Variants in SLC9A6 observed in about 807,000 individuals in gnomAD.
The protein encoded by SLC9A6 is solute carrier family 9 member A6.
A neutral mutation model predicts 45.3 loss-of-function variants in SLC9A6; 6 were observed. That is an observed-to-expected ratio of 0.13 (90% CI 0.07 to 0.26). The LOEUF is 0.26. Among genes scored for constraint, SLC9A6 ranks in the 10% least tolerant of loss-of-function variants. The probability of loss-of-function intolerance (pLI) is 1.00; values close to 1 mark genes in which losing one functional copy is unlikely to be tolerated. For missense variants in SLC9A6, 278 were observed against 503.7 expected (o/e 0.55, Z 4.29); for synonymous variants, 191 against 187.7 (o/e 1.02, Z -0.14).
intron 7 of SLC9A6, chrX:136,010,113 CAGTACT>C: frequency 3.8e-6 from 1 of 262,979 alleles, no homozygotes; most frequent in South Asian, 6.4e-5. Context: ...TTCGGACACT[CAGTACT>C]AGTAATTCTG....
intron 2 of SLC9A6, among the ~76,000 whole-genome samples, chrX:135,990,207 C>T (rs191217251): frequency 1.6e-4 from 18 of 111,295 alleles, no homozygotes; most frequent in East Asian, 8.5e-4. Flanking sequence ...AGGATGGTCT[C>T]GATCTCCTGA....
At chrX:136,003,478 T>G (rs2089611896) in intron 7 of SLC9A6, among the ~76,000 whole-genome samples, 1 of 112,400 alleles carries the variant, frequency 8.9e-6, no homozygotes, top group Admixed American at 9.4e-5. Flanking sequence ...TATAGTATTC[T>G]CTGTGTGAAC....
intron 7 of SLC9A6, among the ~76,000 whole-genome samples, chrX:136,006,469 T>G (rs1173071413): frequency 2.7e-5 from 3 of 109,428 alleles, no homozygotes; most frequent in African/African-American, 6.6e-5. Context: ...CTGTTTTTTT[T>G]TTTTTTTTTT....
At position 136,035,963 on chromosome X, in the gene SLC9A6, T is replaced by C. The variant is rs1381764413; in HGVS notation, c.1661+2470T>C. On this transcript the variant is annotated intron_variant, in intron 16 of 17. Coordinates refer to ENST00000630721, the MANE Select transcript of SLC9A6 (RefSeq NM_001379110.1). ...TCAATGTAGAGACATGGTTTCACCA[T>C]GTTTCCCAGGCTGGCCTTGAACTCT... 3.8e-5 allele frequency among the ~76,000 whole-genome samples: 4 copies of C among 106,298 alleles called. No individual in the cohort carries two copies. In the Admixed American group the frequency reaches 4.1e-4, roughly 11 times the overall value. The allele number at this position is 106,298 out of a possible 115,157, so 92.3% of individuals were successfully genotyped here.
chrX:135,990,519 T>C (rs2089413013), intron 2 of SLC9A6, among the ~76,000 whole-genome samples: 1 of 112,063 alleles, frequency 8.9e-6, no homozygotes, highest in Admixed American at 9.5e-5. Flanking sequence ...ATTTTTCAGA[T>C]GCCTGGTGCC....
At chrX:136,041,493 T>A (rs1221086204) in intron 17 of SLC9A6, among the ~76,000 whole-genome samples, 2 of 111,760 alleles carry the variant, frequency 1.8e-5, no homozygotes, top group Non-Finnish European at 3.8e-5. Context: ...ACACACCCCA[T>A]GTTGCCCCTC....
At chrX:136,003,646 TGGTA>T (rs1556617622) in intron 7 of SLC9A6, among the ~76,000 whole-genome samples, 4 of 112,164 alleles carry the variant, frequency 3.6e-5, no homozygotes, top group Non-Finnish European at 7.5e-5. Flanking sequence ...AAAGTGAGAT[TGGTA>T]GGTAGGTTAA....
At chrX:135,997,257 T>A (rs1175168944) in intron 3 of SLC9A6, among the ~76,000 whole-genome samples, 3 of 109,590 alleles carry the variant, frequency 2.7e-5, no homozygotes, top group Non-Finnish European at 5.7e-5. Context: ...GGTTTTGCCA[T>A]GTCGGTCAGG....
chrX:135,993,552 G>A (rs184110272), intron 2 of SLC9A6, among the ~76,000 whole-genome samples: 2 of 111,772 alleles, frequency 1.8e-5, no homozygotes, highest in African/African-American at 6.5e-5. Context: ...TTGGGAGGCC[G>A]AGGTGGATGG....
intron 16 of SLC9A6, among the ~76,000 whole-genome samples, chrX:136,037,922 C>T (rs1483647060): frequency 1.8e-5 from 2 of 112,390 alleles, no homozygotes; most frequent in African/African-American, 6.5e-5. Flanking sequence ...GCTAAGTTCA[C>T]TTATGATTTC....
At chrX:136,015,675 C>G (rs1556619206) in intron 10 of SLC9A6, among the ~76,000 whole-genome samples, 1 of 111,713 alleles carries the variant, frequency 9.0e-6, no homozygotes, top group Non-Finnish European at 1.9e-5. Context: ...GTAATAATAG[C>G]ATATTAAATC....
At chrX:135,973,916 T>G, upstream of SLC9A6, 1 of 1,139,925 alleles carries the variant, frequency 8.8e-7, no homozygotes, top group Non-Finnish European at 1.2e-6. Flanking sequence ...TATGGAGGCC[T>G]CTCTAGGAGG....
chrX:136,011,055 C>T (rs2070910380), intron 8 of SLC9A6, among the ~76,000 whole-genome samples: 1 of 111,748 alleles, frequency 8.9e-6, no homozygotes, highest in African/African-American at 3.3e-5. Context: ...AAACTTTGTG[C>T]TCTAGAGCCC....
At chrX:136,038,091 G>A (rs1181832611) in intron 16 of SLC9A6, among the ~76,000 whole-genome samples, 1 of 111,358 alleles carries the variant, frequency 9.0e-6, no homozygotes, top group Non-Finnish European at 1.9e-5. Flanking sequence ...TGATGATACA[G>A]GACATTCTTA....
chrX:135,994,763 G>A (rs781828450), intron 2 of SLC9A6, 23 bp from the exon 3 acceptor site: 4 of 1,200,506 alleles, frequency 3.3e-6, no homozygotes, highest in Non-Finnish European at 4.5e-6. Flanking sequence ...GGCAAGAAGA[G>A]CTTATGTTGT....
chrX:135,999,948 T>G (rs1437102157), intron 6 of SLC9A6, among the ~76,000 whole-genome samples: 2 of 110,645 alleles, frequency 1.8e-5, no homozygotes, highest in Non-Finnish European at 3.8e-5. Context: ...TGTTCAATAC[T>G]CTATGAGAGA....
At chrX:136,002,048 G>T in intron 6 of SLC9A6, 60 bp from the exon 7 acceptor site, 1 of 746,211 alleles carries the variant, frequency 1.3e-6, no homozygotes, top group Non-Finnish European at 2.1e-6. Flanking sequence ...GTCATCTACT[G>T]AGGAGAATAT....
chrX:136,030,917 C>G (rs2071308753), intron 15 of SLC9A6, among the ~76,000 whole-genome samples: 1 of 112,159 alleles, frequency 8.9e-6, no homozygotes, highest in Admixed American at 9.4e-5. Flanking sequence ...TCTTTCAAAA[C>G]ACAATTTTTT....
In SLC9A6 at chrX:135,995,137, A is replaced by G. The variant is rs1317113615; in HGVS notation, c.369+152A>G. 9 of 453,313 alleles carry G rather than the reference A, an allele frequency of 2.0e-5. No individual in the cohort carries two copies. The African/African-American group carries it at 2.2e-4, about 11-fold the overall frequency. 37.4% of individuals were successfully genotyped at this position (453,313 alleles called of 1,213,427 possible). ...CCTCAATTAACAAATGTAATAATGT[A>G]AGGAAATGGATATGTCTGTACAACT... On this transcript the variant is annotated intron_variant, in intron 3 of 17. Coordinates refer to ENST00000630721, the MANE Select transcript of SLC9A6 (RefSeq NM_001379110.1).
Sources: gnomAD v4.1 joint callset for allele counts (sites outside exome capture counted in the v4.1 genomes callset) on GRCh38, gnomAD v4.1.1 for gene constraint, MANE v1.5 for transcripts, NCBI Gene and HGNC (gene_info 2026-07-23, HGNC 2026-07-21) for gene names.